The following KCNH7 variants were observed in gnomAD, a reference collection of about 807,000 sequenced individuals.
KCNH7 encodes the protein potassium voltage-gated channel subfamily H member 7.
A neutral mutation model predicts 120.8 loss-of-function variants in KCNH7; 49 were observed. The ratio of observed to expected loss-of-function variants is 0.41; its 90% CI spans 0.32 to 0.51. KCNH7 has a LOEUF of 0.51. KCNH7 is among the 20% of genes least tolerant of loss of function. The pLI, the probability that KCNH7 is intolerant of heterozygous loss-of-function variation, is 0.38. For missense variants in KCNH7, 1,097 were observed against 1,446.6 expected, an observed-to-expected ratio of 0.76 and a Z score of 3.92; for synonymous variants, 547 against 516.1, an observed-to-expected ratio of 1.06 and a Z score of -0.81.
chr2:162,710,685 C>A (rs1686896667), intron 2 of KCNH7, among the ~76,000 whole-genome samples: 1 of 152,096 alleles, frequency 6.6e-6, no homozygotes. Context: ...CGTAAGGATG[C>A]AATAAGTATC....
Position 162,472,184 on chromosome 2 carries a change from A to G in KCNH7, c.1129-25741T>C, listed in dbSNP as rs186893512. ...ATTCAGGACATACGCATGGGCAAGG[A>G]CTTCATGTCTAAAACACCAAAAGCA... On this transcript the variant is annotated intron_variant, in intron 6 of 15. Transcript: ENST00000332142. Among the ~76,000 whole-genome samples the G allele has an allele frequency of 6.0e-4, 91 of 152,374 alleles. 2 individuals carry two copies. The East Asian group carries it at 0.015, about 25-fold the overall frequency.
At chr2:162,498,398 C>T (rs1690568173) in intron 6 of KCNH7, among the ~76,000 whole-genome samples, 1 of 138,936 alleles carries the variant, frequency 7.2e-6, no homozygotes, top group Non-Finnish European at 1.5e-5. Flanking sequence ...AGTGTTTCTC[C>T]AAGTAATTTA....
At chr2:162,414,726 A>C (rs1687490736) in intron 9 of KCNH7, among the ~76,000 whole-genome samples, 1 of 152,106 alleles carries the variant, frequency 6.6e-6, no homozygotes, top group South Asian at 2.1e-4. Context: ...GGATGAGTAA[A>C]GTATAAAAAT....
intron 6 of KCNH7, among the ~76,000 whole-genome samples, chr2:162,488,428 T>G (rs1310276486): frequency 1.3e-5 from 2 of 152,152 alleles, no homozygotes; most frequent in African/African-American, 4.8e-5. Flanking sequence ...CAAAAACTCC[T>G]TATCTGAGGA....
chr2:162,388,244 G>C (rs1418274792), intron 12 of KCNH7, among the ~76,000 whole-genome samples: 1 of 151,734 alleles, frequency 6.6e-6, no homozygotes, highest in African/African-American at 2.4e-5. Flanking sequence ...AAAAGTTTCA[G>C]ATATGCAGAA....
At chr2:162,567,601 T>G (rs1006987229) in intron 2 of KCNH7, among the ~76,000 whole-genome samples, 3 of 152,048 alleles carry the variant, frequency 2.0e-5, no homozygotes, top group Non-Finnish European at 2.9e-5. Flanking sequence ...TTTTGTATAT[T>G]GATTTGTATT....
chr2:162,429,470 A>G (rs1687996792), intron 8 of KCNH7, among the ~76,000 whole-genome samples: 1 of 134,952 alleles, frequency 7.4e-6, no homozygotes, highest in Admixed American at 7.9e-5. Context: ...CATCTGGTAT[A>G]ATTTTCTTTA....
chr2:162,686,117 A>G (rs1404641478), intron 2 of KCNH7, among the ~76,000 whole-genome samples: 1 of 152,076 alleles, frequency 6.6e-6, no homozygotes, highest in East Asian at 1.9e-4. Flanking sequence ...GGGCAATGGC[A>G]TTACCATCTG....
chr2:162,717,864 T>A (rs1687182697), intron 2 of KCNH7, among the ~76,000 whole-genome samples: 1 of 152,064 alleles, frequency 6.6e-6, no homozygotes, highest in South Asian at 2.1e-4. Context: ...CCCTAAAGAA[T>A]AAAATTCCTT....
chr2:162,748,929 T>TCCTTCCTC (rs1688437496), intron 2 of KCNH7, among the ~76,000 whole-genome samples: 1 of 42,072 alleles, frequency 2.4e-5, no homozygotes, highest in Non-Finnish European at 3.9e-5. Flanking sequence ...CCCTTTCCTT[T>TCCTTCCTC]CCTTCCTTCC....
At chr2:162,782,248 A>G (rs1336309779) in intron 2 of KCNH7, among the ~76,000 whole-genome samples, 1 of 152,210 alleles carries the variant, frequency 6.6e-6, no homozygotes, top group African/African-American at 2.4e-5. Context: ...CACACAAAAT[A>G]CATATGTAAT....
At chr2:162,605,834 C>T (rs1419704062) in intron 2 of KCNH7, among the ~76,000 whole-genome samples, 2 of 152,124 alleles carry the variant, frequency 1.3e-5, no homozygotes, top group Non-Finnish European at 2.9e-5. Context: ...ATTTGCTTTT[C>T]TTAGCATTGA....
intron 2 of KCNH7, among the ~76,000 whole-genome samples, chr2:162,711,843 G>C (rs1441927464): frequency 6.6e-6 from 1 of 151,536 alleles, no homozygotes. Flanking sequence ...GAAGGGCAGG[G>C]AAAAAAAGGA....
At chr2:162,669,530 A>C (rs923445487) in intron 2 of KCNH7, among the ~76,000 whole-genome samples, 1 of 152,258 alleles carries the variant, frequency 6.6e-6, no homozygotes, top group Non-Finnish European at 1.5e-5. Context: ...TCTCAAAAGA[A>C]CAAGACAGAG....
chr2:162,473,643 T>C (rs1039489923), intron 6 of KCNH7, among the ~76,000 whole-genome samples: 1 of 152,176 alleles, frequency 6.6e-6, no homozygotes, highest in African/African-American at 2.4e-5. Flanking sequence ...ACATATTTAT[T>C]ATATGCCAGG....
At chr2:162,468,696 A>C (rs1281276914) in intron 6 of KCNH7, among the ~76,000 whole-genome samples, 1 of 150,964 alleles carries the variant, frequency 6.6e-6, no homozygotes, top group Non-Finnish European at 1.5e-5. Flanking sequence ...AATTTTTTGT[A>C]TTTTTAGTAG....
At chr2:162,517,609 G>T in intron 4 of KCNH7, 121 bp downstream of exon 4, 1 of 844,018 alleles carries the variant, frequency 1.2e-6, no homozygotes, top group Non-Finnish European at 1.8e-6. Flanking sequence ...GTTTTTAATA[G>T]CCTTTAATCA....
chr2:162,394,481 T>C lies in KCNH7; in HGVS notation c.2618A>G (p.Asp873Gly). The C allele has an allele frequency of 6.3e-7, 1 of 1,580,634 alleles. No homozygotes were observed. The highest frequency in any genetic ancestry group is 8.7e-7 in the Non-Finnish European group (1 of 1,151,160). Residue 873 changes from aspartate (D) to glycine (G), a missense_variant, in exon 12 of 16, where the codon GAT becomes GGT. This residue lies in a region of KCNH7 where 406 missense variants were observed against 410.5 expected (regional missense o/e 0.99). Coordinates refer to ENST00000332142, the MANE Select transcript of KCNH7 (RefSeq NM_033272.4). The part of the protein sequence containing the change: ...FNLRHESAKA[D>G]LLRSQSMNDS... Reference sequence around the variant, plus strand: ...ATTCATGGATTGTGATCGTAGGAGATCAGCCTTTGTTAATGGAACATGAAG... The same window carrying C: ...ATTCATGGATTGTGATCGTAGGAGACCAGCCTTTGTTAATGGAACATGAAG...
chr2:162,373,460 C>G lies in KCNH7; in HGVS notation c.3324+10G>C, dbSNP rs1394464340. ...AGAGACACTCTTGGTTGGATGGTAT[C>G]CACACTTACTTGTGAGGAAGGGCTG... On this transcript the variant is annotated intron_variant, in intron 15 of 15. Coordinates refer to ENST00000332142, the MANE Select transcript of KCNH7 (RefSeq NM_033272.4). The G allele has an allele frequency of 6.6e-7, 1 of 1,505,072 alleles. No homozygotes were observed. Among genetic ancestry groups the G allele is most frequent in the Non-Finnish European group, 8.9e-7 (1 of 1,122,590 alleles). The allele number at this position is 1,505,072 out of a possible 1,614,324, so 93.2% of individuals were successfully genotyped here. A position where few individuals can be genotyped will look rare whatever the true frequency, so the allele number is the denominator to read the frequency against.
Sources: allele counts gnomAD v4.1 joint callset (sites outside exome capture counted in the v4.1 genomes callset), GRCh38; gene constraint gnomAD v4.1.1; regional missense constraint gnomAD v4.1.1; transcripts MANE v1.5; gene names NCBI Gene and HGNC (gene_info 2026-07-23, HGNC 2026-07-21).